The following CEP128 variants were observed in gnomAD, a reference collection of about 807,000 sequenced individuals.
CEP128 encodes the protein centrosomal protein 128kDa.
In CEP128, 132 loss-of-function variants were observed where a neutral mutation model predicts 156.7. The ratio of observed to expected loss-of-function variants is 0.84; its 90% CI spans 0.73 to 0.97. The LOEUF (loss-of-function observed/expected upper bound fraction) is 0.97. Among genes scored for constraint, CEP128 ranks in the 50% least tolerant of loss-of-function variants. The pLI is 0.00. For synonymous variants in CEP128, 469 were observed against 448.9 expected (o/e 1.04, Z -0.57); for missense variants, 1,252 against 1,281.9 (o/e 0.98, Z 0.36).
At chr14:80,698,698 G>C (rs1052376394) in intron 19 of CEP128, among the ~76,000 whole-genome samples, 1 of 151,898 alleles carries the variant, frequency 6.6e-6, no homozygotes, top group African/African-American at 2.4e-5. Context: ...TGGCGCATAT[G>C]GGAAATTTAT....
rs767217427 is a variant in CEP128, at chr14:80,497,459, A to G, written c.*20T>C. On this transcript the variant is annotated 3_prime_UTR_variant, in exon 25 of 25. Coordinates refer to ENST00000555265, the MANE Select transcript of CEP128 (RefSeq NM_152446.5). ...TATTTGTAACATACTCATGTAAAATAACAAATTACATTTGCTTTTTTAGCT... is the reference window on the plus strand; with the variant it reads ...TATTTGTAACATACTCATGTAAAATGACAAATTACATTTGCTTTTTTAGCT... 3.2e-5 allele frequency: 48 copies of G among 1,507,004 alleles called. 1 individual carries two copies. Among genetic ancestry groups the G allele is most frequent in the South Asian group, 1.7e-4 (15 of 87,354 alleles). 93.4% of individuals were successfully genotyped at this position (1,507,004 alleles called of 1,614,324 possible).
At chr14:80,656,883 C>T (rs114783708) in intron 19 of CEP128, among the ~76,000 whole-genome samples, 2,819 of 152,172 alleles carry the variant, frequency 0.019, 91 homozygotes, top group African/African-American at 0.064. Context: ...ATAAACAGAG[C>T]GAACCAGATA....
At chr14:80,642,262 G>T (rs917167098) in intron 19 of CEP128, among the ~76,000 whole-genome samples, 1 of 152,104 alleles carries the variant, frequency 6.6e-6, no homozygotes, top group Non-Finnish European at 1.5e-5. Flanking sequence ...GAAAAGAGGG[G>T]ATCAAGTTTT....
At chr14:80,662,212 A>G (rs1303083064) in intron 19 of CEP128, among the ~76,000 whole-genome samples, 1 of 152,184 alleles carries the variant, frequency 6.6e-6, no homozygotes, top group East Asian at 1.9e-4. Flanking sequence ...AAGTTAGTCT[A>G]ATTAGTTTAT....
At chr14:80,629,851 T>C (rs1192021826) in intron 19 of CEP128, among the ~76,000 whole-genome samples, 1 of 151,938 alleles carries the variant, frequency 6.6e-6, no homozygotes, top group Non-Finnish European at 1.5e-5. Context: ...GAGAACTAGG[T>C]GCCCTGGTAA....
chr14:80,814,031 A>G (rs1043011773), intron 13 of CEP128, among the ~76,000 whole-genome samples: 2 of 152,166 alleles, frequency 1.3e-5, no homozygotes, highest in Admixed American at 1.3e-4. Flanking sequence ...ATATGTTTCT[A>G]TTCTTCTTGT....
intron 12 of CEP128, among the ~76,000 whole-genome samples, chr14:80,831,739 T>C (rs1434581751): frequency 6.6e-6 from 1 of 152,206 alleles, no homozygotes; most frequent in African/African-American, 2.4e-5. Context: ...AATTTACTAA[T>C]CCTTACTCAT....
In CEP128 at chr14:80,526,985, G is replaced by GT; in HGVS notation, c.2959-4_2959-3insA. On this transcript the variant is annotated splice_region_variant and splice_polypyrimidine_tract_variant and intron_variant, in intron 22 of 24. Transcript: ENST00000555265. ...CTCTCAGATGAACTGCAGGAATCCT[G>GT]GAAAAAAAAAAAAGCAAAGGGTCTG... The GT allele has an allele frequency of 7.7e-7, 1 of 1,298,676 alleles. No homozygotes were observed. Among genetic ancestry groups the GT allele is most frequent in the Admixed American group, 2.6e-5 (1 of 38,420 alleles). The allele number at this position is 1,298,676 out of a possible 1,614,324, so 80.4% of individuals were successfully genotyped here. A position where few individuals can be genotyped will look rare whatever the true frequency, so the allele number is the denominator to read the frequency against.
intron 19 of CEP128, among the ~76,000 whole-genome samples, chr14:80,634,984 A>C (rs1033944761): frequency 6.6e-6 from 1 of 152,192 alleles, no homozygotes; most frequent in Non-Finnish European, 1.5e-5. Context: ...TAGGCCACTA[A>C]TATATGACCT....
chr14:80,711,325 G>GTGTGTGTC (rs1230373537), intron 19 of CEP128, among the ~76,000 whole-genome samples: 1 of 151,674 alleles, frequency 6.6e-6, no homozygotes, highest in African/African-American at 2.4e-5. Flanking sequence ...GTGTGTGTGT[G>GTGTGTGTC]TGTGTGTGTC....
chr14:80,622,555 C>T (rs1346767069), intron 19 of CEP128, among the ~76,000 whole-genome samples: 7 of 150,350 alleles, frequency 4.7e-5, no homozygotes, highest in African/African-American at 1.5e-4. Context: ...TCGCAACCTA[C>T]TCATCTGACA....
intron 13 of CEP128, among the ~76,000 whole-genome samples, chr14:80,800,144 C>A (rs1382692083): frequency 6.6e-6 from 1 of 152,150 alleles, no homozygotes; most frequent in Non-Finnish European, 1.5e-5. Context: ...GATGTCACCC[C>A]CAGTGGCCCA....
intron 19 of CEP128, among the ~76,000 whole-genome samples, chr14:80,700,572 A>AATT (rs1016115702): frequency 3.3e-5 from 5 of 152,186 alleles, no homozygotes; most frequent in African/African-American, 1.2e-4. Context: ...TTATGCTTAA[A>AATT]TATTTTTAAA....
chr14:80,559,379 A>G lies in CEP128; in HGVS notation c.2857-77T>C, dbSNP rs932423481. 3 of 1,153,790 alleles carry G rather than the reference A, an allele frequency of 2.6e-6. No individual in the cohort carries two copies. In the Admixed American group the frequency reaches 7.1e-5, roughly 27 times the overall value. The allele number at this position is 1,153,790 out of a possible 1,614,324, so 71.5% of individuals were successfully genotyped here. A position where few individuals can be genotyped will look rare whatever the true frequency, so the allele number is the denominator to read the frequency against. On this transcript the variant is annotated intron_variant, in intron 20 of 24. Coordinates refer to ENST00000555265, the MANE Select transcript of CEP128 (RefSeq NM_152446.5). ...TTTCAAGTTTACTTAATTTACAAGT[A>G]TTCTATTTACCATCTATTATTAATA... is the stretch of plus-strand genomic sequence containing the variant.
At chr14:80,534,023 C>A (rs1223247659) in intron 21 of CEP128, among the ~76,000 whole-genome samples, 2 of 152,144 alleles carry the variant, frequency 1.3e-5, no homozygotes, top group South Asian at 4.1e-4. Flanking sequence ...CTAACTAGGG[C>A]ATTTGCAACA....
intron 23 of CEP128, among the ~76,000 whole-genome samples, chr14:80,513,899 AG>A (rs1280456604): frequency 6.6e-6 from 1 of 152,174 alleles, no homozygotes; most frequent in Non-Finnish European, 1.5e-5. Context: ...CTACTAACAT[AG>A]CTAGATCTTT....
chr14:80,864,074 T>C (rs1285747787), intron 8 of CEP128, among the ~76,000 whole-genome samples: 2 of 152,240 alleles, frequency 1.3e-5, no homozygotes, highest in African/African-American at 4.8e-5. Flanking sequence ...GGAAGACCTT[T>C]ATGATGATCA....
chr14:80,680,287 T>C (rs916243457), intron 19 of CEP128, among the ~76,000 whole-genome samples: 1 of 152,146 alleles, frequency 6.6e-6, no homozygotes, highest in Non-Finnish European at 1.5e-5. Context: ...TGCCCAAGTA[T>C]GCTCCCCTCA....
At chr14:80,661,344 G>C (rs1024896559) in intron 19 of CEP128, among the ~76,000 whole-genome samples, 1 of 152,098 alleles carries the variant, frequency 6.6e-6, no homozygotes, top group Non-Finnish European at 1.5e-5. Flanking sequence ...ATCACCCCTA[G>C]ATCTTAAAGC....
Sources: allele counts gnomAD v4.1 joint callset (sites outside exome capture counted in the v4.1 genomes callset), GRCh38; gene constraint gnomAD v4.1.1; transcripts MANE v1.5; gene names NCBI Gene and HGNC (gene_info 2026-07-23, HGNC 2026-07-21).